CNTN6: variants seen among roughly 807,000 people sequenced by gnomAD.
CNTN6 encodes contactin 6.
In CNTN6, 137 loss-of-function variants were observed where a neutral mutation model predicts 122.8. That is an observed-to-expected ratio of 1.12 (90% CI 0.97 to 1.29). CNTN6 has a LOEUF of 1.29. CNTN6 is among the 50% of genes most tolerant of loss of function. The probability of loss-of-function intolerance (pLI) is 0.00; values close to 1 mark genes in which losing one functional copy is unlikely to be tolerated. For synonymous variants in CNTN6, 570 were observed against 426.0 expected, an observed-to-expected ratio of 1.34 and a Z score of -4.16; for missense variants, 1,634 against 1,223.4, an observed-to-expected ratio of 1.34 and a Z score of -5.01.
At chr3:1,274,617 T>G (rs1195319011) in intron 4 of CNTN6, among the ~76,000 whole-genome samples, 1 of 152,166 alleles carries the variant, frequency 6.6e-6, no homozygotes, top group East Asian at 1.9e-4. Context: ...AAAAGAACAC[T>G]GATATGGGAA....
chr3:1,271,062 G>A (rs1019146021), intron 4 of CNTN6, among the ~76,000 whole-genome samples: 5 of 152,106 alleles, frequency 3.3e-5, no homozygotes, highest in Non-Finnish European at 7.4e-5. Context: ...ATTTTTAGTA[G>A]AGACAGGGTT....
At position 1,403,422 on chromosome 3, in the gene CNTN6, A is replaced by C; in HGVS notation, c.*4A>C. ...TGCTATTCAGCCACTTATCTGATGA[A>C]TAAAACCATAAATCTTTGAGAGTTT... On this transcript the variant is annotated 3_prime_UTR_variant, in exon 23 of 23. Transcript: ENST00000446702. 7 of 1,570,730 alleles carry C rather than the reference A, an allele frequency of 4.5e-6. No homozygotes were observed. Among genetic ancestry groups the C allele is most frequent in the Non-Finnish European group, 5.3e-6 (6 of 1,142,080 alleles).
At chr3:1,302,279 C>T (rs541108582) in intron 7 of CNTN6, among the ~76,000 whole-genome samples, 2 of 152,240 alleles carry the variant, frequency 1.3e-5, no homozygotes, top group Admixed American at 1.3e-4. Flanking sequence ...CTCCCTTTTA[C>T]TAATCCTTCT....
intron 1 of CNTN6, among the ~76,000 whole-genome samples, chr3:1,099,444 C>G (rs1298238398): frequency 1.3e-5 from 2 of 151,992 alleles, no homozygotes; most frequent in Non-Finnish European, 2.9e-5. Flanking sequence ...GAGCCAGACT[C>G]TGTCTCAAAA....
intron 4 of CNTN6, among the ~76,000 whole-genome samples, chr3:1,267,995 G>A (rs145691878): frequency 1.2e-3 from 188 of 151,550 alleles, no homozygotes; most frequent in African/African-American, 4.3e-3. Flanking sequence ...TCCCCTTTTT[G>A]CCTTTGAACA....
chr3:1,182,406 A>G (rs1427252755), intron 2 of CNTN6, among the ~76,000 whole-genome samples: 5 of 152,186 alleles, frequency 3.3e-5, no homozygotes, highest in East Asian at 3.8e-4. Flanking sequence ...AAATTAATAT[A>G]GAACTATAGT....
intron 2 of CNTN6, among the ~76,000 whole-genome samples, chr3:1,178,985 T>A (rs2093504506): frequency 6.6e-6 from 1 of 152,158 alleles, no homozygotes; most frequent in African/African-American, 2.4e-5. Flanking sequence ...AAAAGAAGCC[T>A]ATTTTGGCTC....
intron 17 of CNTN6, among the ~76,000 whole-genome samples, chr3:1,382,105 TA>T (rs5846113): frequency 0.012 from 1,743 of 145,110 alleles, 26 homozygotes; most frequent in African/African-American, 0.04. Context: ...GAATATTTAT[TA>T]AAAAAAAAAA....
chr3:1,253,658 G>A (rs2094706435), intron 4 of CNTN6, among the ~76,000 whole-genome samples: 1 of 152,140 alleles, frequency 6.6e-6, no homozygotes, highest in African/African-American at 2.4e-5. Flanking sequence ...CTCATAAGGA[G>A]TGCACAACCT....
At chr3:1,395,871 A>G (rs1694923346) in intron 20 of CNTN6, among the ~76,000 whole-genome samples, 1 of 152,280 alleles carries the variant, frequency 6.6e-6, no homozygotes, top group South Asian at 2.1e-4. Flanking sequence ...TAATTTCTAG[A>G]TAGGAGGACA....
intron 1 of CNTN6, among the ~76,000 whole-genome samples, chr3:1,147,576 G>A (rs1467582913): frequency 3.7e-5 from 5 of 134,292 alleles, no homozygotes; most frequent in Non-Finnish European, 8.0e-5. Flanking sequence ...ATAAATTAGA[G>A]AAAATTATGA....
chr3:1,271,433 T>G (rs1405834458), intron 4 of CNTN6, among the ~76,000 whole-genome samples: 1 of 152,076 alleles, frequency 6.6e-6, no homozygotes, highest in Non-Finnish European at 1.5e-5. Context: ...AATATTTCAT[T>G]CTAAGGTGTT....
intron 11 of CNTN6, among the ~76,000 whole-genome samples, chr3:1,346,280 G>C (rs1443147042): frequency 6.6e-6 from 1 of 152,120 alleles, no homozygotes; most frequent in African/African-American, 2.4e-5. Flanking sequence ...GCTATCGTTT[G>C]GATATGGATT....
At chr3:1,351,473 A>T (rs1705619559) in intron 11 of CNTN6, among the ~76,000 whole-genome samples, 1 of 151,648 alleles carries the variant, frequency 6.6e-6, no homozygotes, top group South Asian at 2.1e-4. Context: ...CTAAAATTGG[A>T]CGAATATTTT....
intron 5 of CNTN6, among the ~76,000 whole-genome samples, chr3:1,295,120 A>C (rs1278848152): frequency 6.6e-6 from 1 of 152,174 alleles, no homozygotes; most frequent in Non-Finnish European, 1.5e-5. Flanking sequence ...GTAATGATCA[A>C]ATGAGTGAAC....
At position 1,383,293 on chromosome 3, in the gene CNTN6, A is replaced by T. The variant is rs765142769; in HGVS notation, c.2402A>T (p.Glu801Val). Reference sequence around the variant, plus strand: ...GGTTATGTCTTTCTCTGGATGGTAGAACCTCAACTGGCCCCAAGGGGAACT... The same window carrying T: ...GGTTATGTCTTTCTCTGGATGGTAGTACCTCAACTGGCCCCAAGGGGAACT... Reference protein sequence around the residue: ...TVTIVYSGEDEPQLAPRGTSL... With the variant: ...TVTIVYSGEDVPQLAPRGTSL... The change falls in exon 19 of 23, where the codon GAA (glutamate) becomes GTA (valine). Residue 801 changes from glutamate (E) to valine (V), a missense_variant and splice_region_variant. Transcript: ENST00000446702. 4.0e-5 allele frequency: 65 copies of T among 1,613,008 alleles called. No homozygotes were observed. The Middle Eastern group carries it at 4.9e-4, about 12-fold the overall frequency.
intron 1 of CNTN6, among the ~76,000 whole-genome samples, chr3:1,122,624 C>T (rs537517520): frequency 1.1e-4 from 17 of 151,784 alleles, no homozygotes; most frequent in African/African-American, 3.6e-4. Context: ...CTTTCCAGGC[C>T]GCAACAACTA....
chr3:1,266,569 C>G (rs1428118744), intron 4 of CNTN6, among the ~76,000 whole-genome samples: 1 of 152,202 alleles, frequency 6.6e-6, no homozygotes, highest in African/African-American at 2.4e-5. Flanking sequence ...AAAACTCGGC[C>G]TTTTGTATTT....
intron 20 of CNTN6, among the ~76,000 whole-genome samples, chr3:1,389,238 A>G (rs1693707544): frequency 6.6e-6 from 1 of 152,020 alleles, no homozygotes; most frequent in South Asian, 2.1e-4. Context: ...TACAAGCCAG[A>G]AGAGAGTGGG....
Sources: allele counts gnomAD v4.1 joint callset (sites outside exome capture counted in the v4.1 genomes callset), GRCh38; gene constraint gnomAD v4.1.1; transcripts MANE v1.5; gene names NCBI Gene and HGNC (gene_info 2026-07-23, HGNC 2026-07-21).